PPP4R2: variants seen among roughly 807,000 people sequenced by gnomAD.
PPP4R2 encodes the protein serine/threonine-protein phosphatase 4 regulatory subunit 2.
A neutral mutation model predicts 47.2 loss-of-function variants in PPP4R2; 13 were observed. That is an observed-to-expected ratio of 0.28 (90% confidence interval 0.18 to 0.44). The LOEUF (loss-of-function observed/expected upper bound fraction) is 0.44. Among genes scored for constraint, PPP4R2 ranks in the 20% least tolerant of loss-of-function variants. PPP4R2 has a pLI of 1.00. For synonymous variants in PPP4R2, 151 were observed against 163.3 expected (o/e 0.92, Z 0.57); for missense variants, 421 against 491.2 (o/e 0.86, Z 1.35).
In PPP4R2 at chr3:73,065,659, A is replaced by G. The variant is rs761847207; in HGVS notation, c.1191A>G (p.Glu397=). The G allele has an allele frequency of 2.1e-5, 34 of 1,612,154 alleles. No individual in the cohort carries two copies. The highest frequency in any genetic ancestry group is 4.5e-5 in the East Asian group (2 of 44,808). The change falls in exon 9 of 9, where the codon GAA becomes GAG. Residue 397 remains glutamate (E), a synonymous_variant. Transcript: ENST00000356692. ...GTAAAACTGGAGAGATTCTTTCAGAATCATCCATGGAAAATGATGACGAAG... is the reference window on the plus strand; with the variant it reads ...GTAAAACTGGAGAGATTCTTTCAGAGTCATCCATGGAAAATGATGACGAAG... The part of the protein sequence containing the change: ...NSSKTGEILS[E]SSMENDDEAT...
At chr3:73,037,298 T>C (rs1395264412) in intron 2 of PPP4R2, among the ~76,000 whole-genome samples, 1 of 152,382 alleles carries the variant, frequency 6.6e-6, no homozygotes, top group East Asian at 1.9e-4. Context: ...TTTAGATTTC[T>C]CTTTCCCTCT....
chr3:73,033,928 A>G (rs1240755448), intron 2 of PPP4R2, among the ~76,000 whole-genome samples: 1 of 152,192 alleles, frequency 6.6e-6, no homozygotes, highest in Non-Finnish European at 1.5e-5. Flanking sequence ...TACACCTAGA[A>G]GTAGAATTGC....
At chr3:73,056,415 G>T (rs186032782) in intron 3 of PPP4R2, among the ~76,000 whole-genome samples, 1 of 152,292 alleles carries the variant, frequency 6.6e-6, no homozygotes, top group East Asian at 1.9e-4. Context: ...AAGTTTAAAA[G>T]TACAGTCTGT....
chr3:73,050,419 A>G (rs899886081), intron 3 of PPP4R2, among the ~76,000 whole-genome samples: 1 of 150,600 alleles, frequency 6.6e-6, no homozygotes, highest in Non-Finnish European at 1.5e-5. Flanking sequence ...GGTATGTTGA[A>G]ACATGTTTAC....
At chr3:73,010,539 A>G (rs191406378) in intron 2 of PPP4R2, among the ~76,000 whole-genome samples, 607 of 150,142 alleles carry the variant, frequency 4.0e-3, no homozygotes, top group Admixed American at 8.6e-3. Flanking sequence ...TTCTTTCAGT[A>G]TAATTTACTT....
intron 2 of PPP4R2, among the ~76,000 whole-genome samples, chr3:73,028,714 A>G (rs1331887467): frequency 2.0e-5 from 3 of 152,156 alleles, no homozygotes; most frequent in Non-Finnish European, 4.4e-5. Flanking sequence ...CTGGGATTAC[A>G]GGCACTTTTG....
chr3:73,030,663 A>C (rs1702149948), intron 2 of PPP4R2, among the ~76,000 whole-genome samples: 1 of 149,064 alleles, frequency 6.7e-6, no homozygotes. Flanking sequence ...TAGAGAACCA[A>C]CTATATCTGA....
intron 3 of PPP4R2, among the ~76,000 whole-genome samples, chr3:73,050,656 G>C (rs1339699031): frequency 1.5e-4 from 23 of 152,140 alleles, no homozygotes; most frequent in Admixed American, 1.5e-3. Context: ...GTAGAATCAT[G>C]CTATATGCTA....
At chr3:72,997,658 T>C (rs1701378622) in intron 1 of PPP4R2, among the ~76,000 whole-genome samples, 1 of 152,218 alleles carries the variant, frequency 6.6e-6, no homozygotes, top group South Asian at 2.1e-4. Context: ...AGAATTATTC[T>C]TTGACATTCA....
intron 2 of PPP4R2, among the ~76,000 whole-genome samples, chr3:73,007,478 T>C (rs1419761726): frequency 9.8e-6 from 1 of 101,928 alleles, no homozygotes; most frequent in East Asian, 2.5e-4. Context: ...CTGTTTTTTG[T>C]TTTTTGTTTT....
intron 2 of PPP4R2, among the ~76,000 whole-genome samples, chr3:73,039,680 G>A (rs1474954879): frequency 6.6e-6 from 1 of 152,136 alleles, no homozygotes; most frequent in East Asian, 1.9e-4. Context: ...TTTCTAGTGG[G>A]TAGAGGCCAG....
At chr3:73,043,162 A>G (rs1702413286) in intron 2 of PPP4R2, among the ~76,000 whole-genome samples, 1 of 152,204 alleles carries the variant, frequency 6.6e-6, no homozygotes, top group African/African-American at 2.4e-5. Flanking sequence ...TAAGCGTCCT[A>G]TTTCAGTATA....
chr3:73,062,143 G>T (rs1248815145), intron 5 of PPP4R2: 2 of 1,547,776 alleles, frequency 1.3e-6, no homozygotes, highest in Admixed American at 2.1e-5. Context: ...GTTTGGGTCT[G>T]TGACAGATCT....
At position 73,039,078 on chromosome 3, in the gene PPP4R2, A is replaced by G. The variant is rs927104418; in HGVS notation, c.117-8108A>G. 4.6e-5 allele frequency among the ~76,000 whole-genome samples: 7 copies of G among 152,244 alleles called. No homozygotes were observed. In the East Asian group the frequency reaches 1.3e-3, roughly 29 times the overall value. On this transcript the variant is annotated intron_variant, in intron 2 of 8. Coordinates refer to ENST00000356692, the MANE Select transcript of PPP4R2 (RefSeq NM_174907.4). Reference sequence around the variant, plus strand: ...GTAACACTTCAAGGATAATTTCAAAATAGGAAACATGAGAAATATTTTAGT... The same window carrying G: ...GTAACACTTCAAGGATAATTTCAAAGTAGGAAACATGAGAAATATTTTAGT...
At chr3:73,021,212 A>ATT (rs1376765006) in intron 2 of PPP4R2, among the ~76,000 whole-genome samples, 1 of 148,262 alleles carries the variant, frequency 6.7e-6, no homozygotes, top group Non-Finnish European at 1.5e-5. Flanking sequence ...GCTTGGATTC[A>ATT]TTTTATTTCA....
intron 3 of PPP4R2, among the ~76,000 whole-genome samples, chr3:73,049,533 A>G (rs1702566947): frequency 6.6e-6 from 1 of 152,116 alleles, no homozygotes; most frequent in South Asian, 2.1e-4. Context: ...GGTTATTTAT[A>G]AATTGTACAT....
At chr3:73,056,581 G>C (rs1208826148) in intron 3 of PPP4R2, among the ~76,000 whole-genome samples, 2 of 152,022 alleles carry the variant, frequency 1.3e-5, no homozygotes, top group Admixed American at 6.6e-5. Flanking sequence ...TTGGATACTT[G>C]GTAAAATGAC....
intron 2 of PPP4R2, among the ~76,000 whole-genome samples, chr3:73,011,482 GAA>G (rs34933435): frequency 6.7e-6 from 1 of 148,562 alleles, no homozygotes; most frequent in Admixed American, 6.7e-5. Flanking sequence ...CAGTGTCTCA[GAA>G]AAAAAAAAAT....
intron 2 of PPP4R2, among the ~76,000 whole-genome samples, chr3:73,039,826 C>A (rs558705210): frequency 6.6e-6 from 1 of 152,064 alleles, no homozygotes; most frequent in African/African-American, 2.4e-5. Context: ...GCCAAGGCGG[C>A]GAATCACCTG....
Sources: gnomAD v4.1 joint callset for allele counts (sites outside exome capture counted in the v4.1 genomes callset) on GRCh38, gnomAD v4.1.1 for gene constraint, MANE v1.5 for transcripts, NCBI Gene and HGNC (gene_info 2026-07-23, HGNC 2026-07-21) for gene names.